Variants in RALGPS1 observed in about 807,000 individuals in gnomAD.
RALGPS1 encodes the protein Ral GEF with PH domain and SH3 binding motif 1, also known as ras-specific guanine nucleotide-releasing factor RalGPS1.
In RALGPS1, 19 loss-of-function variants were observed where a neutral mutation model predicts 78.8. The ratio of observed to expected loss-of-function variants is 0.24; its 90% CI spans 0.17 to 0.35. The LOEUF (loss-of-function observed/expected upper bound fraction) is 0.35, where lower values mean the gene tolerates loss of function less well. RALGPS1 is among the 10% of genes least tolerant of loss of function. The probability of loss-of-function intolerance (pLI) is 1.00; values close to 1 mark genes in which losing one functional copy is unlikely to be tolerated. For synonymous variants in RALGPS1, 228 were observed against 256.3 expected (o/e 0.89, Z 1.06); for missense variants, 454 against 688.3 (o/e 0.66, Z 3.81).
intron 11 of RALGPS1, among the ~76,000 whole-genome samples, chr9:127,184,798 C>G (rs967904460): frequency 3.3e-5 from 5 of 152,232 alleles, no homozygotes; most frequent in African/African-American, 1.2e-4. Context: ...GACTGGAACC[C>G]AAGTCTTGTG....
rs2062725749 is a variant in RALGPS1, at chr9:127,219,795, A to G, written c.*1026A>G. On this transcript the variant is annotated 3_prime_UTR_variant, in exon 19 of 19. Transcript: ENST00000259351. The surrounding 1 kb of genome is among the most constrained non-coding windows in gnomAD (Gnocchi z 5.0). Reference sequence around the variant, plus strand: ...CCCATCATCTCACTCCTTTGCCTGCACTGCCAGGGTGGGGCCCACCAAGAT... The same window carrying G: ...CCCATCATCTCACTCCTTTGCCTGCGCTGCCAGGGTGGGGCCCACCAAGAT... 6.5e-6 allele frequency: 1 copy of G among 152,758 alleles called. No individual in the cohort carries two copies. The highest frequency in any genetic ancestry group is 2.1e-4 in the South Asian group (1 of 4,836). 9.5% of individuals were successfully genotyped at this position (152,758 alleles called of 1,614,324 possible). A position where few individuals can be genotyped will look rare whatever the true frequency, so the allele number is the denominator to read the frequency against.
Position 127,194,429 on chromosome 9 carries a change from TG to T in RALGPS1, c.911-658del, listed in dbSNP as rs1444712213. On this transcript the variant is annotated intron_variant, in intron 11 of 18. Coordinates refer to ENST00000259351, the MANE Select transcript of RALGPS1 (RefSeq NM_014636.3). ...TGGTGTTAGAAGACACACTTTTTTTTGGGGACGGAGTCTCACTCTGTTGCCC... is the reference window on the plus strand; with the variant it reads ...TGGTGTTAGAAGACACACTTTTTTTTGGGACGGAGTCTCACTCTGTTGCCC... Among the ~76,000 whole-genome samples, 2 of 152,126 alleles carry T rather than the reference TG, an allele frequency of 1.3e-5. 1 individual carries two copies. The highest frequency in any genetic ancestry group is 4.1e-4 in the South Asian group (2 of 4,824).
rs879742769 is a variant in RALGPS1, at chr9:126,965,826, T to A, written c.58-18T>A. Reference sequence around the variant, plus strand: ...GTCATATCATTCAGTTGGCACCATCTTTCCCTGCTCTCCACAGGGCAGCAG... The same window carrying A: ...GTCATATCATTCAGTTGGCACCATCATTCCCTGCTCTCCACAGGGCAGCAG... On this transcript the variant is annotated intron_variant, in intron 2 of 18. Transcript: ENST00000259351. 1.2e-6 allele frequency: 2 copies of A among 1,602,650 alleles called. No individual in the cohort carries two copies. The highest frequency in any genetic ancestry group is 1.7e-6 in the Non-Finnish European group (2 of 1,170,706).
At chr9:126,990,832 C>T (rs1275835670) in intron 4 of RALGPS1, among the ~76,000 whole-genome samples, 1 of 152,250 alleles carries the variant, frequency 6.6e-6, no homozygotes, top group Non-Finnish European at 1.5e-5. Flanking sequence ...TGCCACTACT[C>T]TTCATCCCTG....
chr9:127,178,836 C>G (rs936595083), intron 11 of RALGPS1, among the ~76,000 whole-genome samples: 2 of 152,260 alleles, frequency 1.3e-5, no homozygotes, highest in African/African-American at 4.8e-5. Context: ...GGCCCTGGCT[C>G]CTTCCTGCAA....
chr9:126,994,986 A>AT (rs1176863117), intron 4 of RALGPS1, among the ~76,000 whole-genome samples: 1 of 152,158 alleles, frequency 6.6e-6, no homozygotes, highest in Non-Finnish European at 1.5e-5. Flanking sequence ...ATACTGAGAG[A>AT]TTTTGTCACC....
intron 7 of RALGPS1, among the ~76,000 whole-genome samples, chr9:127,059,170 G>A (rs184126701): frequency 6.6e-6 from 1 of 152,330 alleles, no homozygotes; most frequent in Non-Finnish European, 1.5e-5. Flanking sequence ...CATCCAGGAA[G>A]TGCCCTTTGC....
intron 5 of RALGPS1, among the ~76,000 whole-genome samples, chr9:127,045,571 T>G (rs760110659): frequency 6.6e-6 from 1 of 151,750 alleles, no homozygotes; most frequent in Non-Finnish European, 1.5e-5. Flanking sequence ...ACTGTTGGAG[T>G]GGGAAATTAC....
At chr9:127,147,930 G>A (rs1209611748) in intron 8 of RALGPS1, among the ~76,000 whole-genome samples, 1 of 152,080 alleles carries the variant, frequency 6.6e-6, no homozygotes, top group Non-Finnish European at 1.5e-5. Context: ...TTGAAAAAAT[G>A]GAAATTAAGA....
Position 127,182,660 on chromosome 9 carries a change from C to T in RALGPS1, c.910+7878C>T, listed in dbSNP as rs542749181. On this transcript the variant is annotated intron_variant, in intron 11 of 18. Coordinates refer to ENST00000259351, the MANE Select transcript of RALGPS1 (RefSeq NM_014636.3). ...GCCAGGCTGCTCTTGAACTCCTGAC[C>T]TCAGGTGATCTGCCCACCTTGGCCT... Among the ~76,000 whole-genome samples the T allele has an allele frequency of 2.6e-5, 4 of 152,170 alleles. No homozygotes were observed. In the South Asian group the frequency reaches 6.2e-4, roughly 24 times the overall value.
chr9:126,968,066 G>A (rs1018702296), intron 3 of RALGPS1, among the ~76,000 whole-genome samples: 1 of 150,562 alleles, frequency 6.6e-6, no homozygotes, highest in African/African-American at 2.4e-5. Flanking sequence ...GCAGTGGCAG[G>A]ATCTTGGCTC....
chr9:127,150,876 G>A (rs1216870670), intron 8 of RALGPS1, among the ~76,000 whole-genome samples: 1 of 152,122 alleles, frequency 6.6e-6, no homozygotes, highest in African/African-American at 2.4e-5. Context: ...GCTACAGTGG[G>A]TGTGATCCAT....
In RALGPS1 at chr9:127,133,537, C is replaced by G. The variant is rs183182652; in HGVS notation, c.611-32532C>G. ...AGCCAGGGCTGTGGGTGGGGTGGAC[C>G]CAGTAGGGACAAGCCCCACCCTGCC... On this transcript the variant is annotated intron_variant, in intron 8 of 18. Coordinates refer to ENST00000259351, the MANE Select transcript of RALGPS1 (RefSeq NM_014636.3). 4.5e-4 allele frequency among the ~76,000 whole-genome samples: 68 copies of G among 152,198 alleles called. 1 individual carries two copies. The highest frequency in any genetic ancestry group is 1.6e-3 in the African/African-American group (67 of 41,450).
intron 7 of RALGPS1, among the ~76,000 whole-genome samples, chr9:127,062,541 T>G (rs2049315355): frequency 6.6e-6 from 1 of 152,232 alleles, no homozygotes; most frequent in Non-Finnish European, 1.5e-5. Flanking sequence ...AGTACTACAC[T>G]TTTATAATCA....
intron 1 of RALGPS1, among the ~76,000 whole-genome samples, chr9:126,920,516 G>A (rs768176121): frequency 4.6e-5 from 7 of 152,196 alleles, no homozygotes; most frequent in Admixed American, 2.0e-4. Flanking sequence ...AAGTATGGCT[G>A]CTCTCCCTTG....
intron 8 of RALGPS1, among the ~76,000 whole-genome samples, chr9:127,090,019 C>T (rs945358124): frequency 2.6e-5 from 4 of 152,168 alleles, no homozygotes; most frequent in African/African-American, 2.4e-5. Context: ...GTGAGGAGGT[C>T]GCACTCAGTC....
chr9:127,035,525 C>T (rs1366952307), intron 5 of RALGPS1, among the ~76,000 whole-genome samples: 1 of 152,164 alleles, frequency 6.6e-6, no homozygotes, highest in Non-Finnish European at 1.5e-5. Flanking sequence ...CTAGAGGTTG[C>T]GTAGTATGTA....
chr9:126,919,027 C>T (rs1209954334), intron 1 of RALGPS1, among the ~76,000 whole-genome samples: 1 of 152,146 alleles, frequency 6.6e-6, no homozygotes, highest in Admixed American at 6.5e-5. Context: ...TCTTTCTTGC[C>T]TCAAGTTGAC....
chr9:127,178,044 G>C (rs1032977582), intron 11 of RALGPS1: 10 of 1,487,198 alleles, frequency 6.7e-6, no homozygotes, highest in Admixed American at 2.0e-5. Context: ...GCCGGCCCAG[G>C]GTCCTGGGGA....
Sources: gnomAD v4.1 joint callset for allele counts (sites outside exome capture counted in the v4.1 genomes callset) on GRCh38, gnomAD v4.1.1 for gene constraint, Gnocchi (gnomAD v3.1) non-coding constraint, MANE v1.5 for transcripts, NCBI Gene and HGNC (gene_info 2026-07-23, HGNC 2026-07-21) for gene names.